Variants in TUBGCP3 observed in about 807,000 individuals in gnomAD.
The protein encoded by TUBGCP3 is gamma-tubulin complex component 3.
In TUBGCP3, 50 loss-of-function variants were observed where a neutral mutation model predicts 123.1. The observed-to-expected ratio is 0.41, with a 90% CI of 0.32 to 0.51. The LOEUF (loss-of-function observed/expected upper bound fraction) is 0.51, where lower values mean the gene tolerates loss of function less well. Ranked by LOEUF, TUBGCP3 falls within the 20% of genes least tolerant of loss-of-function variation. TUBGCP3 has a pLI of 0.36. For missense variants in TUBGCP3, 882 were observed against 1,127.0 expected, an observed-to-expected ratio of 0.78 and a Z score of 3.11; for synonymous variants, 405 against 413.9, an observed-to-expected ratio of 0.98 and a Z score of 0.26.
intron 11 of TUBGCP3, among the ~76,000 whole-genome samples, chr13:112,538,287 T>C (rs771013585): frequency 6.6e-6 from 1 of 152,222 alleles, no homozygotes; most frequent in African/African-American, 2.4e-5. Flanking sequence ...TGAACATAAG[T>C]ATAATGCAAG....
chr13:112,487,004 C>T (rs2040965865), intron 21 of TUBGCP3, among the ~76,000 whole-genome samples: 1 of 151,946 alleles, frequency 6.6e-6, no homozygotes, highest in South Asian at 2.1e-4. Context: ...GGCACAGGCT[C>T]TGCTGTGTTG....
chr13:112,560,338 G>A (rs1353491463), intron 3 of TUBGCP3, among the ~76,000 whole-genome samples: 1 of 151,210 alleles, frequency 6.6e-6, no homozygotes, highest in Non-Finnish European at 1.5e-5. Flanking sequence ...GCTGAGGCAG[G>A]AGAATGGCGT....
At chr13:112,573,699 T>G (rs1211140466) in intron 1 of TUBGCP3, among the ~76,000 whole-genome samples, 2 of 152,172 alleles carry the variant, frequency 1.3e-5, no homozygotes, top group African/African-American at 2.4e-5. Flanking sequence ...AAGCAATCAC[T>G]TCAATAAGTG....
upstream of TUBGCP3, among the ~76,000 whole-genome samples, chr13:112,588,677 A>G (rs979475870): frequency 5.2e-4 from 79 of 152,144 alleles, no homozygotes; most frequent in Non-Finnish European, 1.1e-3. Context: ...AGAACAGGAA[A>G]CCTGCCGAGA....
At chr13:112,549,397 A>T (rs190374964) in intron 8 of TUBGCP3, among the ~76,000 whole-genome samples, 16 of 152,230 alleles carry the variant, frequency 1.1e-4, no homozygotes, top group East Asian at 1.9e-4. Flanking sequence ...GACAAGTTAA[A>T]GGGTGCAGCA....
chr13:112,567,727 C>A (rs1217900511), intron 2 of TUBGCP3, among the ~76,000 whole-genome samples: 1 of 152,222 alleles, frequency 6.6e-6, no homozygotes, highest in Non-Finnish European at 1.5e-5. Flanking sequence ...GTGAAGTACT[C>A]TGGGTCACAC....
At chr13:112,488,357 T>C (rs529261082) in intron 21 of TUBGCP3, among the ~76,000 whole-genome samples, 4 of 152,212 alleles carry the variant, frequency 2.6e-5, no homozygotes, top group African/African-American at 9.6e-5. Context: ...TAAGATCACA[T>C]TGAGAAATGG....
At chr13:112,582,011 TATAAA>T (rs1458373397) in intron 1 of TUBGCP3, among the ~76,000 whole-genome samples, 5 of 152,192 alleles carry the variant, frequency 3.3e-5, no homozygotes, top group Admixed American at 2.0e-4. Flanking sequence ...TCTTGCTGAT[TATAAA>T]ATATTTTTAA....
Position 112,554,183 on chromosome 13 carries a change from C to T in TUBGCP3, c.841-1G>A. On this transcript the variant is annotated splice_acceptor_variant, in intron 7 of 21. Transcript: ENST00000261965. LOFTEE classifies it high-confidence loss of function. ...CTCTCAAAGACCTACTTAGATTTGC[C>T]TAAAAAGTAAATACATCAAATGTTA... is the stretch of plus-strand genomic sequence containing the variant. 6.2e-7 allele frequency: 1 copy of T among 1,612,526 alleles called. No individual in the cohort carries two copies. The highest frequency in any genetic ancestry group is 8.5e-7 in the Non-Finnish European group (1 of 1,179,662).
rs766569030 is a variant in TUBGCP3 at position 112,558,388 on chromosome 13, G to A, written c.356C>T (p.Ala119Val). 1.3e-5 allele frequency: 21 copies of A among 1,587,636 alleles called. No homozygotes were observed. The highest frequency in any genetic ancestry group is 1.7e-5 in the Non-Finnish European group (20 of 1,159,744). ...GTGGGCATCTCTTGGTAAGGCCTGA[G>A]CAAATAACGTAGCATAGCTAGAAAC... ...SKVSSYATLFAQALPRDAHST... is the reference protein window; with the variant it reads ...SKVSSYATLFVQALPRDAHST... Residue 119 changes from alanine (A) to valine (V), a missense_variant, in exon 5 of 22, where the codon GCT becomes GTT. Ala to Val is a moderately conservative substitution (Grantham distance 64). Transcript: ENST00000261965.
At chr13:112,487,089 G>A (rs868786693) in intron 21 of TUBGCP3, among the ~76,000 whole-genome samples, 2 of 136,900 alleles carry the variant, frequency 1.5e-5, no homozygotes, top group African/African-American at 5.1e-5. Context: ...GTGTCTGTGT[G>A]TGTGTGTGTG....
chr13:112,516,852 T>TC (rs1876175827), intron 16 of TUBGCP3, among the ~76,000 whole-genome samples: 2 of 151,448 alleles, frequency 1.3e-5, no homozygotes, highest in African/African-American at 4.9e-5. Flanking sequence ...TCACTACAAC[T>TC]CCCCCCAACC....
intron 17 of TUBGCP3, among the ~76,000 whole-genome samples, chr13:112,506,815 T>C (rs897371477): frequency 1.8e-4 from 27 of 152,204 alleles, no homozygotes; most frequent in Non-Finnish European, 3.2e-4. Context: ...TAATAAAGTG[T>C]TGTTTTAAGT....
chr13:112,512,579 C>T (rs1308357169), intron 17 of TUBGCP3, among the ~76,000 whole-genome samples: 5 of 152,056 alleles, frequency 3.3e-5, no homozygotes, highest in East Asian at 1.9e-4. Context: ...ACTAAAACTA[C>T]AAAAAATTAG....
intron 3 of TUBGCP3, among the ~76,000 whole-genome samples, chr13:112,562,943 G>A (rs567129510): frequency 6.6e-6 from 1 of 152,206 alleles, no homozygotes; most frequent in South Asian, 2.1e-4. Flanking sequence ...TCATCAACAG[G>A]GCACCACCTA....
chr13:112,539,831 C>T (rs201368779), intron 11 of TUBGCP3, among the ~76,000 whole-genome samples: 26,071 of 117,046 alleles, frequency 0.22, 319 homozygotes, highest in African/African-American at 0.46. Flanking sequence ...GGAATGAGGA[C>T]GTCAATGTAG....
Position 112,587,985 on chromosome 13 carries a change from G to C in TUBGCP3, c.-5C>G. ...CTTCTGGTCCGGGGTCGCCATCCTCGCCCGGAGCCGTGCACGGTGGTCCGG... is the reference window on the plus strand; with the variant it reads ...CTTCTGGTCCGGGGTCGCCATCCTCCCCCGGAGCCGTGCACGGTGGTCCGG... On this transcript the variant is annotated 5_prime_UTR_variant, in exon 1 of 22. Coordinates refer to ENST00000261965, the MANE Select transcript of TUBGCP3 (RefSeq NM_006322.6). 6.4e-7 allele frequency: 1 copy of C among 1,570,360 alleles called. No individual in the cohort carries two copies. The highest frequency in any genetic ancestry group is 8.6e-7 in the Non-Finnish European group (1 of 1,160,958).
At chr13:112,549,632 T>C (rs1429395062) in intron 8 of TUBGCP3, among the ~76,000 whole-genome samples, 1 of 152,180 alleles carries the variant, frequency 6.6e-6, no homozygotes, top group African/African-American at 2.4e-5. Flanking sequence ...TTGTTCTGTT[T>C]GCACTGCTTG....
At chr13:112,531,747 C>T (rs2139109921) in intron 11 of TUBGCP3, among the ~76,000 whole-genome samples, 2 of 152,036 alleles carry the variant, frequency 1.3e-5, no homozygotes, top group African/African-American at 4.8e-5. Flanking sequence ...GCAAACATCT[C>T]GTAGCAAGCA....
Sources: allele counts gnomAD v4.1 joint callset (sites outside exome capture counted in the v4.1 genomes callset), GRCh38; gene constraint gnomAD v4.1.1; transcripts MANE v1.5; gene names NCBI Gene and HGNC (gene_info 2026-07-23, HGNC 2026-07-21).